Variants in ZNF766 observed in about 807,000 individuals in gnomAD.
ZNF766 encodes zinc finger protein 766.
A neutral mutation model predicts 13.2 loss-of-function variants in ZNF766; 13 were observed. The ratio of observed to expected loss-of-function variants is 0.98; its 90% CI spans 0.64 to 1.56. The LOEUF (loss-of-function observed/expected upper bound fraction) is 1.56. Among genes scored for constraint, ZNF766 ranks in the 40% most tolerant of loss-of-function variants. The pLI, the probability that ZNF766 is intolerant of heterozygous loss-of-function variation, is 0.00. For synonymous variants in ZNF766, 178 were observed against 187.6 expected (o/e 0.95, Z 0.42); for missense variants, 521 against 552.2 (o/e 0.94, Z 0.57).
At chr19:52,284,948 G>C (rs375910102) in intron 3 of ZNF766, 7 of 151,986 alleles carry the variant, frequency 4.6e-5, no homozygotes, top group East Asian at 1.9e-4. Flanking sequence ...CTTTTATGGA[G>C]GCTTCATTAC....
rs1447313840 is a variant in ZNF766, at chr19:52,290,541, G to T, written c.750G>T (p.Lys250Asn). ...CTTACAAATGTAAAGAGTGTGGCAAGCTCTTCAATCGAATTGCATACCTTG... is the reference window on the plus strand; with the variant it reads ...CTTACAAATGTAAAGAGTGTGGCAATCTCTTCAATCGAATTGCATACCTTG... The part of the protein sequence containing the change: ...EKPYKCKECG[K>N]LFNRIAYLAR... Residue 250 changes from lysine to asparagine, a missense_variant, in exon 4 of 4, where the codon AAG becomes AAT. Lys to Asn is a moderately conservative substitution (Grantham distance 94, BLOSUM62 0). Transcript: ENST00000439461. The T allele has an allele frequency of 2.5e-6, 4 of 1,613,786 alleles. No homozygotes were observed. In the Admixed American group the frequency reaches 6.7e-5, roughly 27 times the overall value.
intron 2 of ZNF766, among the ~76,000 whole-genome samples, chr19:52,282,885 C>T (rs541512833): frequency 2.0e-5 from 3 of 152,302 alleles, no homozygotes; most frequent in African/African-American, 4.8e-5. Flanking sequence ...CAGTTCCCTA[C>T]GCATTCAGAA....
At position 52,292,273 on chromosome 19, in the gene ZNF766, G is replaced by T; in HGVS notation, c.*1075G>T. The T allele has an allele frequency of 4.4e-6, 3 of 686,010 alleles. No homozygotes were observed. Among genetic ancestry groups the T allele is most frequent in the Non-Finnish European group, 7.9e-6 (3 of 378,760 alleles). 42.5% of individuals were successfully genotyped at this position (686,010 alleles called of 1,614,324 possible). A position where few individuals can be genotyped will look rare whatever the true frequency, so the allele number is the denominator to read the frequency against. On this transcript the variant is annotated 3_prime_UTR_variant, in exon 4 of 4. Transcript: ENST00000439461. ...TGCCTTTTCAGATTAAAGATTGTCTGATTTAGAGACCATGGAGGTGGACAG... is the reference window on the plus strand; with the variant it reads ...TGCCTTTTCAGATTAAAGATTGTCTTATTTAGAGACCATGGAGGTGGACAG...
Position 52,283,391 on chromosome 19 carries a change from A to G in ZNF766, c.252A>G (p.Glu84=). ...MKVAKNPDRW[E]GIKDINTGRS... ...TAGCAAAAAATCCAGATAGGTGGGA[A>G]GGTATCAAAGATATCAACACAGGTA... Residue 84 remains glutamate (E), a synonymous_variant, in exon 3 of 4, where the codon GAA becomes GAG. Coordinates refer to ENST00000439461, the MANE Select transcript of ZNF766 (RefSeq NM_001010851.3). The G allele has an allele frequency of 6.2e-7, 1 of 1,604,212 alleles. No individual in the cohort carries two copies. Among genetic ancestry groups the G allele is most frequent in the Non-Finnish European group, 8.5e-7 (1 of 1,174,574 alleles).
At chr19:52,269,935 C>T (rs1400666545) in intron 1 of ZNF766, among the ~76,000 whole-genome samples, 1 of 152,208 alleles carries the variant, frequency 6.6e-6, no homozygotes, top group East Asian at 1.9e-4. Context: ...CCACGCCCTC[C>T]GGGTCCCAAG....
rs530601013 is a variant in ZNF766 at position 52,275,648 on chromosome 19, T to C, written c.18+6017T>C. On this transcript the variant is annotated intron_variant, in intron 1 of 3. Coordinates refer to ENST00000439461, the MANE Select transcript of ZNF766 (RefSeq NM_001010851.3). ...AAGTGTACCATTTTTTAAACTCTTA[T>C]ACCATATGACTACTATATTTTTTCT... The C allele has an allele frequency of 4.6e-5, 7 of 151,660 alleles. No individual in the cohort carries two copies. The East Asian group carries it at 9.7e-4, about 21-fold the overall frequency. 9.4% of individuals were successfully genotyped at this position (151,660 alleles called of 1,614,324 possible). A position where few individuals can be genotyped will look rare whatever the true frequency, so the allele number is the denominator to read the frequency against.
chr19:52,282,788 C>G (rs559161117), intron 2 of ZNF766, among the ~76,000 whole-genome samples: 1 of 152,198 alleles, frequency 6.6e-6, no homozygotes, highest in Admixed American at 6.5e-5. Context: ...TTATGACAAA[C>G]TTTTAAAATA....
At chr19:52,278,382 T>C (rs1031475539) in intron 1 of ZNF766, among the ~76,000 whole-genome samples, 6 of 152,308 alleles carry the variant, frequency 3.9e-5, no homozygotes, top group African/African-American at 9.6e-5. Context: ...GAGAGGTGTC[T>C]GTTCATGTCC....
intron 2 of ZNF766, 21 bp from the exon 3 acceptor site, chr19:52,283,264 G>A (rs1459279380): frequency 1.2e-6 from 2 of 1,609,256 alleles, no homozygotes; most frequent in African/African-American, 2.7e-5. Context: ...AGCACATCTT[G>A]ATTCTTTCTT....
chr19:52,292,324 C>A lies in ZNF766; in HGVS notation c.*1126C>A. ...AGAATAACAAAACCGTGATGGCAGT[C>A]ATCATGCTTATTGCAGTTAGCACAC... On this transcript the variant is annotated 3_prime_UTR_variant, in exon 4 of 4. Coordinates refer to ENST00000439461, the MANE Select transcript of ZNF766 (RefSeq NM_001010851.3). 1 of 629,672 alleles carries A rather than the reference C, an allele frequency of 1.6e-6. No individual in the cohort carries two copies. Among genetic ancestry groups the A allele is most frequent in the South Asian group, 1.8e-5 (1 of 54,516 alleles). 39.0% of individuals were successfully genotyped at this position (629,672 alleles called of 1,614,324 possible).
At chr19:52,288,696 T>A (rs982705820) in intron 3 of ZNF766, among the ~76,000 whole-genome samples, 1 of 122,976 alleles carries the variant, frequency 8.1e-6, no homozygotes, top group Non-Finnish European at 1.9e-5. Flanking sequence ...ACCCAGCCGT[T>A]TTTTTTTTTT....
chr19:52,290,549 A>T lies in ZNF766; in HGVS notation c.758A>T (p.Asn253Ile). 1.2e-6 allele frequency: 2 copies of T among 1,613,680 alleles called. No individual in the cohort carries two copies. The highest frequency in any genetic ancestry group is 1.3e-5 in the African/African-American group (1 of 74,888). ...TGTAAAGAGTGTGGCAAGCTCTTCAATCGAATTGCATACCTTGCACGACAC... is the reference window on the plus strand; with the variant it reads ...TGTAAAGAGTGTGGCAAGCTCTTCATTCGAATTGCATACCTTGCACGACAC... Reference protein sequence around the residue: ...YKCKECGKLFNRIAYLARHEK... With the variant: ...YKCKECGKLFIRIAYLARHEK... The change falls in exon 4 of 4, where the codon AAT becomes ATT. Residue 253 changes from asparagine to isoleucine, a missense_variant. Physicochemically the swap from Asn to Ile is moderately radical, Grantham distance 149. Coordinates refer to ENST00000439461, the MANE Select transcript of ZNF766 (RefSeq NM_001010851.3).
chr19:52,286,155 AAAAGAAAG>A (rs554520382), intron 3 of ZNF766, among the ~76,000 whole-genome samples: 9 of 144,904 alleles, frequency 6.2e-5, no homozygotes, highest in Non-Finnish European at 1.0e-4. Flanking sequence ...TAAAAAAAAA[AAAAGAAAG>A]AAAGAAAGAA....
Position 52,293,156 on chromosome 19 carries a change from A to C in ZNF766, c.*1958A>C, listed in dbSNP as rs1600207166. 2.1e-5 allele frequency: 3 copies of C among 143,022 alleles called. No individual in the cohort carries two copies. The allele number at this position is 143,022 out of a possible 1,614,324, so 8.9% of individuals were successfully genotyped here. On this transcript the variant is annotated 3_prime_UTR_variant, in exon 4 of 4. Coordinates refer to ENST00000439461, the MANE Select transcript of ZNF766 (RefSeq NM_001010851.3). ...CAAAGGACATGAACTCATCCTTTTTATGGCTGCATAGTATTCCTTTTTTTT... is the reference window on the plus strand; with the variant it reads ...CAAAGGACATGAACTCATCCTTTTTCTGGCTGCATAGTATTCCTTTTTTTT...
chr19:52,277,787 G>A (rs1440393214), intron 1 of ZNF766, among the ~76,000 whole-genome samples: 4 of 152,000 alleles, frequency 2.6e-5, no homozygotes, highest in African/African-American at 9.7e-5. Context: ...GACGTGGGTG[G>A]AGACGGGGTG....
chr19:52,287,996 C>T (rs749544478), intron 3 of ZNF766: 2 of 423,668 alleles, frequency 4.7e-6, no homozygotes, highest in East Asian at 7.5e-5. Flanking sequence ...TTTTTTCTTT[C>T]TGCTATCTTA....
intron 1 of ZNF766, 128 bp from the exon 2 acceptor site, chr19:52,281,983 A>G: frequency 9.0e-7 from 1 of 1,115,490 alleles, no homozygotes; most frequent in Non-Finnish European, 1.3e-6. Flanking sequence ...AAAATACCTT[A>G]ATGTGGATAT....
chr19:52,285,372 C>T (rs1198042135), intron 3 of ZNF766, among the ~76,000 whole-genome samples: 1 of 152,156 alleles, frequency 6.6e-6, no homozygotes, highest in Non-Finnish European at 1.5e-5. Flanking sequence ...CAAGACTTGC[C>T]CCCCTTCCCA....
chr19:52,277,674 T>C, intron 1 of ZNF766: 3 of 975,322 alleles, frequency 3.1e-6, no homozygotes, highest in South Asian at 1.5e-5. Flanking sequence ...CATGCCTTCC[T>C]TCAGTCCCTC....
Sources: allele counts gnomAD v4.1 joint callset (sites outside exome capture counted in the v4.1 genomes callset), GRCh38; gene constraint gnomAD v4.1.1; transcripts MANE v1.5; gene names NCBI Gene and HGNC (gene_info 2026-07-23, HGNC 2026-07-21).